Variants in GRIP1 observed in about 807,000 individuals in gnomAD.
GRIP1 encodes glutamate receptor interacting protein 1.
A neutral mutation model predicts 129.9 loss-of-function variants in GRIP1; 45 were observed. That is an observed-to-expected ratio of 0.35 (90% CI 0.27 to 0.44). GRIP1 has a LOEUF of 0.44. GRIP1 is among the 20% of genes least tolerant of loss of function. GRIP1 has a pLI of 1.00. For missense variants in GRIP1, 1,196 were observed against 1,396.8 expected (o/e 0.86, Z 2.29); for synonymous variants, 530 against 520.8 (o/e 1.02, Z -0.24).
intron 1 of GRIP1, among the ~76,000 whole-genome samples, chr12:66,630,947 T>C (rs1255300075): frequency 6.6e-6 from 1 of 152,152 alleles, no homozygotes; most frequent in African/African-American, 2.4e-5. Flanking sequence ...AAACTTTTTT[T>C]TTTTGGAGAC....
intron 2 of GRIP1, among the ~76,000 whole-genome samples, chr12:66,596,471 C>A (rs1592620765): frequency 6.6e-6 from 1 of 152,310 alleles, no homozygotes; most frequent in East Asian, 1.9e-4. Context: ...CATACATGAT[C>A]TGTTGCGGCA....
chr12:66,831,724 G>C (rs1457249849), intron 1 of GRIP1, among the ~76,000 whole-genome samples: 2 of 152,120 alleles, frequency 1.3e-5, no homozygotes, highest in African/African-American at 4.8e-5. Context: ...ACACCAAGGA[G>C]TCATGTTGCC....
chr12:66,572,987 C>T (rs1027085155), intron 2 of GRIP1, among the ~76,000 whole-genome samples: 2 of 152,022 alleles, frequency 1.3e-5, no homozygotes, highest in Non-Finnish European at 2.9e-5. Flanking sequence ...TATGGCTTAC[C>T]TCTAACCAGT....
chr12:67,054,970 T>C (rs2043410720), intron 1 of GRIP1, among the ~76,000 whole-genome samples: 1 of 152,174 alleles, frequency 6.6e-6, no homozygotes, highest in African/African-American at 2.4e-5. Flanking sequence ...AAGTAATACG[T>C]GATTGGAAAT....
intron 1 of GRIP1, among the ~76,000 whole-genome samples, chr12:66,637,574 G>GTTT (rs34630743): frequency 6.6e-6 from 1 of 150,796 alleles, no homozygotes; most frequent in Non-Finnish European, 1.5e-5. Flanking sequence ...ATTTTTGTAT[G>GTTT]TTTTTTTTTA....
intron 23 of GRIP1, among the ~76,000 whole-genome samples, chr12:66,364,432 C>T (rs1310048814): frequency 6.6e-6 from 1 of 152,104 alleles, no homozygotes; most frequent in Non-Finnish European, 1.5e-5. Context: ...CTTCCCATTT[C>T]GTTCCTACAT....
chr12:66,894,528 C>T (rs1294616854), intron 1 of GRIP1, among the ~76,000 whole-genome samples: 1 of 152,010 alleles, frequency 6.6e-6, no homozygotes, highest in Non-Finnish European at 1.5e-5. Context: ...CTGCCTATGC[C>T]CCAGGAGGAA....
At chr12:66,915,488 C>T (rs757563673) in intron 1 of GRIP1, among the ~76,000 whole-genome samples, 16 of 152,054 alleles carry the variant, frequency 1.1e-4, no homozygotes, top group Admixed American at 2.0e-4. Context: ...GCGAGTGAGA[C>T]GGAAACAGGG....
At chr12:66,477,666 G>T (rs1472713126) in intron 7 of GRIP1, among the ~76,000 whole-genome samples, 1 of 152,132 alleles carries the variant, frequency 6.6e-6, no homozygotes, top group Non-Finnish European at 1.5e-5. Context: ...GCATGGTACT[G>T]GTACCAAAAC....
chr12:66,989,467 C>T (rs578009104), intron 1 of GRIP1, among the ~76,000 whole-genome samples: 12 of 152,238 alleles, frequency 7.9e-5, no homozygotes, highest in African/African-American at 2.2e-4. Context: ...ATTACGGGGG[C>T]GTCTCGTCTG....
intron 1 of GRIP1, among the ~76,000 whole-genome samples, chr12:66,715,451 G>GGTGTGTGT (rs2035848175): frequency 3.6e-5 from 1 of 28,050 alleles, no homozygotes; most frequent in African/African-American, 1.6e-4. Flanking sequence ...ATTGTAGCTT[G>GGTGTGTGT]ATGTGTGTGT....
rs80199919 is a variant in GRIP1 at position 66,809,590 on chromosome 12, T to C, written c.59-212663A>G. ...CTACTTTATTGTAGCAAATGATTTG[T>C]AATATCCCTTCTTACTAACTGAAAC... is the stretch of plus-strand genomic sequence containing the variant. On this transcript the variant is annotated intron_variant, in intron 1 of 1. Coordinates refer to the GRIP1 transcript ENST00000643019. Among the ~76,000 whole-genome samples, 1,410 of 152,268 alleles carry C rather than the reference T, an allele frequency of 9.3e-3. 13 individuals are homozygous for C. Among genetic ancestry groups the C allele is most frequent in the Non-Finnish European group, 0.013 (865 of 68,014 alleles).
chr12:66,815,854 T>TC (rs374620257), intron 1 of GRIP1, among the ~76,000 whole-genome samples: 4,602 of 116,758 alleles, frequency 0.039, 122 homozygotes, highest in Middle Eastern at 0.07. Flanking sequence ...CTTTCTTTCT[T>TC]TCTCTCTCTC....
At chr12:66,810,752 G>A (rs1019007169) in intron 1 of GRIP1, among the ~76,000 whole-genome samples, 4 of 152,082 alleles carry the variant, frequency 2.6e-5, no homozygotes, top group African/African-American at 9.7e-5. Context: ...TACTTACTAT[G>A]TTTAAAAGAC....
intron 1 of GRIP1, among the ~76,000 whole-genome samples, chr12:66,670,598 C>T (rs1054151579): frequency 1.3e-5 from 2 of 152,176 alleles, no homozygotes; most frequent in Admixed American, 6.5e-5. Flanking sequence ...TCAAAACTCT[C>T]ACCAAAATGT....
At chr12:66,882,708 C>T (rs1295125491) in intron 1 of GRIP1, among the ~76,000 whole-genome samples, 1 of 152,146 alleles carries the variant, frequency 6.6e-6, no homozygotes, top group African/African-American at 2.4e-5. Flanking sequence ...ATATTATAAG[C>T]ATTAATATTA....
rs1219810089 is a variant in GRIP1, at chr12:66,455,553, A to T, written c.1210T>A (p.Ser404Thr). The T allele has an allele frequency of 6.2e-7, 1 of 1,613,934 alleles. No homozygotes were observed. The highest frequency in any genetic ancestry group is 1.3e-5 in the African/African-American group (1 of 74,938). The change falls in exon 11 of 25, where the codon TCT becomes ACT. Residue 404 changes from serine to threonine, a missense_variant. Around this residue, in one of 5 missense-constraint regions of GRIP1, gnomAD observed 508 missense variants for 587.0 expected, o/e 0.87. Transcript: ENST00000359742. ...ATGGAGGTAGGAGAGAAGGATGAAGACACCAAAGCTGCTGCAAGAGAGTGA... is the reference window on the plus strand; with the variant it reads ...ATGGAGGTAGGAGAGAAGGATGAAGTCACCAAAGCTGCTGCAAGAGAGTGA... ...PPPNSPPALVSSSFSPTSMSA... is the reference protein window; with the variant it reads ...PPPNSPPALVTSSFSPTSMSA...
intron 1 of GRIP1, among the ~76,000 whole-genome samples, chr12:66,882,380 A>C (rs1387793307): frequency 1.3e-5 from 2 of 152,158 alleles, no homozygotes; most frequent in African/African-American, 4.8e-5. Context: ...ACTGGATGCA[A>C]ACTAATACCT....
intron 1 of GRIP1, among the ~76,000 whole-genome samples, chr12:66,774,734 G>A (rs760165081): frequency 6.6e-5 from 10 of 152,150 alleles, no homozygotes; most frequent in Non-Finnish European, 7.4e-5. Flanking sequence ...AGCTACACTT[G>A]TACTATTGCA....
Sources: allele counts gnomAD v4.1 joint callset (sites outside exome capture counted in the v4.1 genomes callset), GRCh38; gene constraint gnomAD v4.1.1; regional missense constraint gnomAD v4.1.1; transcripts MANE v1.5; gene names NCBI Gene and HGNC (gene_info 2026-07-23, HGNC 2026-07-21).